The following XBP1 variants were observed in gnomAD, a reference collection of about 807,000 sequenced individuals.
The protein encoded by XBP1 is X-box binding protein 1, also known as X-box-binding protein 1.
In XBP1, 18 loss-of-function variants were observed where a neutral mutation model predicts 34.6. The observed-to-expected ratio is 0.52, with a 90% CI of 0.36 to 0.77. The LOEUF is 0.77. Ranked by LOEUF, XBP1 falls within the 30% of genes least tolerant of loss-of-function variation. The pLI, the probability that XBP1 is intolerant of heterozygous loss-of-function variation, is 0.00. For missense variants in XBP1, 422 were observed against 464.6 expected (o/e 0.91, Z 0.84); for synonymous variants, 191 against 193.4 (o/e 0.99, Z 0.11).
At chr22:28,798,528 C>T (rs35842929) in intron 2 of XBP1, among the ~76,000 whole-genome samples, 5 of 151,876 alleles carry the variant, frequency 3.3e-5, no homozygotes, top group Admixed American at 6.6e-5. Context: ...AGGCTGGTCT[C>T]GAACTCCTGA....
At chr22:28,800,039 C>T in intron 1 of XBP1, 1 of 777,822 alleles carries the variant, frequency 1.3e-6, no homozygotes, top group Non-Finnish European at 2.4e-6. Context: ...GCCCGCATCC[C>T]CAGCTCTGGT....
exon 1 of XBP1, chr22:28,800,415 G>T (rs1183351765): frequency 1.0e-5 from 15 of 1,506,360 alleles, no homozygotes; most frequent in South Asian, 6.2e-5. Flanking sequence ...CACCATGAGC[G>T]GCAGGGCCTG....
chr22:28,799,932 A>T (rs1244687412), intron 1 of XBP1: 1 of 776,630 alleles, frequency 1.3e-6, no homozygotes, highest in Admixed American at 1.7e-5. Flanking sequence ...CTCCAGAAAT[A>T]GCAGTAAACC....
upstream of XBP1, chr22:28,800,546 C>A (rs138290856): frequency 0.017 from 25,585 of 1,473,388 alleles, 391 homozygotes; most frequent in East Asian, 0.058. Flanking sequence ...ACGCACCGCG[C>A]ACCGCGCGCC....
Position 28,799,852 on chromosome 22 carries a change from T to C in XBP1, c.227+446A>G, listed in dbSNP as rs2031832973. The stretch of plus-strand genomic sequence containing the variant: ...GGTTCCATTTTAAGAACGCAGATAC[T>C]GAGCTAGACCAGTGAGCCTCGCAGA... On this transcript the variant is annotated intron_variant, in intron 1 of 5. Transcript: ENST00000344347. 3 of 638,346 alleles carry C rather than the reference T, an allele frequency of 4.7e-6. No homozygotes were observed. The Admixed American group carries it at 8.0e-5, about 17-fold the overall frequency. 39.5% of individuals were successfully genotyped at this position (638,346 alleles called of 1,614,324 possible). A position where few individuals can be genotyped will look rare whatever the true frequency, so the allele number is the denominator to read the frequency against.
downstream of XBP1, chr22:28,794,695 C>G (rs1264106975): frequency 6.6e-6 from 1 of 152,598 alleles, no homozygotes; most frequent in Non-Finnish European, 1.5e-5. Context: ...GATTCTTGAT[C>G]TTACTTGAAG....
At chr22:28,800,166 C>G (rs1601439628) in intron 1 of XBP1, 132 bp downstream of exon 1, 5 of 1,104,998 alleles carry the variant, frequency 4.5e-6, no homozygotes, top group East Asian at 2.7e-5. Flanking sequence ...ACGCTGGCAC[C>G]GACCCGCCAG....
exon 3 of XBP1, chr22:28,797,082 C>T (rs2031764252): frequency 1.9e-6 from 3 of 1,607,830 alleles, no homozygotes; most frequent in African/African-American, 1.3e-5. Context: ...TTTACCTTGG[C>T]TTCCGCCTCC....
At chr22:28,799,941 C>G (rs190929252) in intron 1 of XBP1, 2 of 778,554 alleles carry the variant, frequency 2.6e-6, no homozygotes, top group African/African-American at 1.7e-5. Context: ...TAGCAGTAAA[C>G]CAAAACAGAT....
At chr22:28,795,696 G>T (rs1399001242) in exon 6 of XBP1, 1 of 1,554,900 alleles carries the variant, frequency 6.4e-7, no homozygotes, top group Non-Finnish European at 8.7e-7. Context: ...AACATGACTG[G>T]GTCCAAGTTG....
chr22:28,799,855 G>C, intron 1 of XBP1: 1 of 673,166 alleles, frequency 1.5e-6, no homozygotes, highest in Non-Finnish European at 2.7e-6. Flanking sequence ...CAGATACTGA[G>C]CTAGACCAGT....
At position 28,800,418 on chromosome 22, in the gene XBP1, A is replaced by AG; in HGVS notation, c.106dup (p.Leu36ProfsTer62). 6.6e-7 allele frequency: 1 copy of AG among 1,506,554 alleles called. No homozygotes were observed. Among genetic ancestry groups the AG allele is most frequent in the South Asian group, 1.2e-5 (1 of 80,054 alleles). 93.3% of individuals were successfully genotyped at this position (1,506,554 alleles called of 1,614,324 possible). A position where few individuals can be genotyped will look rare whatever the true frequency, so the allele number is the denominator to read the frequency against. The stretch of plus-strand genomic sequence containing the variant: ...TCTCTGGGCTGGCACCATGAGCGGC[A>AG]GGGCCTGGCCGGCCGGGGCTCCGGC... On this transcript the variant is annotated frameshift_variant, in exon 1 of 6. Transcript: ENST00000344347. LOFTEE classifies it high-confidence loss of function.
chr22:28,795,432 T>G, exon 6 of XBP1: 1 of 1,590,296 alleles, frequency 6.3e-7, no homozygotes, highest in Non-Finnish European at 8.6e-7. Flanking sequence ...GGGTGATCAT[T>G]CTCTGAGGGG....
chr22:28,795,283 G>A (rs751977462), exon 6 of XBP1: 36 of 1,551,784 alleles, frequency 2.3e-5, no homozygotes, highest in African/African-American at 5.5e-5. Context: ...GGGAACCCCC[G>A]TATCCACAGT....
At chr22:28,800,502 G>T (rs1037160436) in exon 1 of XBP1, 3 of 1,487,916 alleles carry the variant, frequency 2.0e-6, no homozygotes, top group Non-Finnish European at 2.7e-6. Flanking sequence ...GGCCGGGTTC[G>T]GCGCGGCTGC....
intron 5 of XBP1, 126 bp from the exon 6 acceptor site, chr22:28,795,858 AC>A: frequency 8.1e-7 from 1 of 1,228,172 alleles, no homozygotes; most frequent in Non-Finnish European, 1.1e-6. Flanking sequence ...CTCGGGACCC[AC>A]CAGACCCATT....
At chr22:28,795,965 CTGTCTAGTTAGGGA>C in intron 5 of XBP1, 68 bp downstream of exon 5, 1 of 1,565,266 alleles carries the variant, frequency 6.4e-7, no homozygotes. Context: ...CAACCCTCAT[CTGTCTAGTTAGGGA>C]TGTCAAGCAT....
upstream of XBP1, chr22:28,800,536 ACGCACCGCGCACCG>A: frequency 6.8e-7 from 1 of 1,480,064 alleles, no homozygotes; most frequent in Admixed American, 2.4e-5. Context: ...GCTCCAGACT[ACGCACCGCGCACCG>A]CGCGCCGCAG....
chr22:28,797,200 T>G (rs772572679), exon 3 of XBP1: 1 of 1,612,426 alleles, frequency 6.2e-7, no homozygotes, highest in South Asian at 1.1e-5. Context: ...GCAAAAGTTT[T>G]TGGTTCTGGA....
Sources: allele counts gnomAD v4.1 joint callset (sites outside exome capture counted in the v4.1 genomes callset), GRCh38; gene constraint gnomAD v4.1.1; transcripts MANE v1.5; gene names NCBI Gene and HGNC (gene_info 2026-07-23, HGNC 2026-07-21).